The following HMCN2 variants were observed in gnomAD, a reference collection of about 807,000 sequenced individuals.
HMCN2 encodes the protein hemicentin-2.
Under a neutral mutation model 377.5 loss-of-function variants are expected in HMCN2, and 325 were observed. The ratio of observed to expected loss-of-function variants is 0.86; its 90% CI spans 0.79 to 0.94. HMCN2 has a LOEUF of 0.94. Ranked by LOEUF, HMCN2 falls within the 40% of genes least tolerant of loss-of-function variation. The pLI is 0.00. For synonymous variants in HMCN2, 2,007 were observed against 2,046.8 expected (o/e 0.98, Z 0.53); for missense variants, 4,543 against 4,725.3 (o/e 0.96, Z 1.13).
At chr9:130,311,543 G>A (rs1393674801) in intron 15 of HMCN2, among the ~76,000 whole-genome samples, 3 of 152,312 alleles carry the variant, frequency 2.0e-5, no homozygotes, top group East Asian at 3.9e-4. Context: ...GACAGGGAAT[G>A]AGCATGCACA....
At chr9:130,355,631 G>A in intron 32 of HMCN2, 115 bp from the exon 33 acceptor site, 1 of 535,826 alleles carries the variant, frequency 1.9e-6, no homozygotes, top group South Asian at 1.6e-5. Context: ...CACTGATAGG[G>A]AGACGTGAGG....
chr9:130,350,378 C>CAAAAAAAAA lies in HMCN2; in HGVS notation c.4430+722_4430+723insAAAAAAAAA, dbSNP rs1448443171. On this transcript the variant is annotated intron_variant, in intron 29 of 97. Coordinates refer to ENST00000683500, the MANE Select transcript of HMCN2 (RefSeq NM_001291815.2). ...CGAGACCCTGTCTCTGCTAAAAATA[C>CAAAAAAAAA]AAAAAAATACAAAAAAAAAAAAAAA... is the stretch of plus-strand genomic sequence containing the variant. Among the ~76,000 whole-genome samples, 207 of 74,696 alleles carry CAAAAAAAAA rather than the reference C, an allele frequency of 2.8e-3. 10 individuals carry two copies. The highest frequency in any genetic ancestry group is 3.2e-3 in the Non-Finnish European group (126 of 39,690). 49.0% of individuals were successfully genotyped at this position (74,696 alleles called of 152,430 possible).
At chr9:130,355,706 T>G in intron 32 of HMCN2, 40 bp from the exon 33 acceptor site, 1 of 1,209,370 alleles carries the variant, frequency 8.3e-7, no homozygotes. Context: ...GGCCAGTGGC[T>G]GCTCAGCTCC....
rs534082172 is a variant in HMCN2, at chr9:130,399,577, C to T, written c.11550C>T (p.Cys3850=). ...PGPQDSAQFE[C]VVSNEVGEAH... ...CCCAGGACTCAGCCCAGTTTGAATGCGTGGTGAGCAATGAGGTGGGCGAGG... is the reference window on the plus strand; with the variant it reads ...CCCAGGACTCAGCCCAGTTTGAATGTGTGGTGAGCAATGAGGTGGGCGAGG... The change falls in exon 76 of 98, where the codon TGC becomes TGT. Residue 3850 remains cysteine, a synonymous_variant. Transcript: ENST00000683500. 1.4e-5 allele frequency: 18 copies of T among 1,289,696 alleles called. No homozygotes were observed. The highest frequency in any genetic ancestry group is 4.9e-5 in the South Asian group (4 of 81,002). 79.9% of individuals were successfully genotyped at this position (1,289,696 alleles called of 1,614,324 possible).
intron 54 of HMCN2, among the ~76,000 whole-genome samples, chr9:130,381,033 G>T (rs1841687108): frequency 6.6e-6 from 1 of 152,002 alleles, no homozygotes; most frequent in Non-Finnish European, 1.5e-5. Flanking sequence ...CTGCCCCCCA[G>T]TCCTGCCCAC....
chr9:130,329,709 C>T (rs1470039489), intron 22 of HMCN2, among the ~76,000 whole-genome samples: 1 of 152,150 alleles, frequency 6.6e-6, no homozygotes, highest in Non-Finnish European at 1.5e-5. Context: ...TCCCAAAGTG[C>T]TGGGATTACA....
At chr9:130,420,074 T>TTTC (rs1178395052) in intron 86 of HMCN2, among the ~76,000 whole-genome samples, 2 of 142,370 alleles carry the variant, frequency 1.4e-5, no homozygotes, top group African/African-American at 5.3e-5. Flanking sequence ...TCTTTTTTTT[T>TTTC]TTTTTTTTTT....
chr9:130,358,046 C>G, intron 35 of HMCN2, 58 bp downstream of exon 35: 9 of 1,249,074 alleles, frequency 7.2e-6, no homozygotes, highest in Non-Finnish European at 8.4e-6. Flanking sequence ...AGGGGCTGCT[C>G]TGGGGGCTTC....
At chr9:130,432,883 G>A (rs2131845362) in intron 97 of HMCN2, 1 of 387,636 alleles carries the variant, frequency 2.6e-6, no homozygotes, top group Non-Finnish European at 4.7e-6. Context: ...GGACCTTAGG[G>A]GTGGCAGCTG....
At chr9:130,321,292 G>A (rs896516950) in intron 18 of HMCN2, among the ~76,000 whole-genome samples, 1 of 149,156 alleles carries the variant, frequency 6.7e-6, no homozygotes, top group African/African-American at 2.4e-5. Flanking sequence ...AGACACCGGC[G>A]CGCGCTGAAC....
At chr9:130,355,976 A>C (rs1270228928) in intron 33 of HMCN2, 112 bp from the exon 34 acceptor site, 1 of 913,122 alleles carries the variant, frequency 1.1e-6, no homozygotes, top group African/African-American at 1.7e-5. Context: ...AGAGGCCTGG[A>C]GCCACGGCTG....
At chr9:130,407,846 G>A (rs1385202852) in intron 83 of HMCN2, 141 bp downstream of exon 83, 1 of 565,538 alleles carries the variant, frequency 1.8e-6, no homozygotes, top group Non-Finnish European at 2.4e-6. Flanking sequence ...ATCCCCTGGG[G>A]GACTTTAAAT....
chr9:130,348,418 C>T (rs1170664246), intron 26 of HMCN2, 127 bp from the exon 27 acceptor site: 15 of 1,212,922 alleles, frequency 1.2e-5, no homozygotes, highest in Non-Finnish European at 1.6e-5. Flanking sequence ...TGTGGCTGGG[C>T]GGACGGGGAC....
At chr9:130,293,156 GA>G (rs1383777522) in intron 4 of HMCN2, among the ~76,000 whole-genome samples, 2 of 150,934 alleles carry the variant, frequency 1.3e-5, no homozygotes, top group African/African-American at 2.4e-5. Context: ...TTGTTTATAA[GA>G]AAAAAATCTT....
chr9:130,394,314 A>G lies in HMCN2; in HGVS notation c.10502-71A>G, dbSNP rs1008680304. 23 of 1,000,374 alleles carry G rather than the reference A, an allele frequency of 2.3e-5. No individual in the cohort carries two copies. The Middle Eastern group carries it at 1.5e-3, about 64-fold the overall frequency. 62.0% of individuals were successfully genotyped at this position (1,000,374 alleles called of 1,614,324 possible). A position where few individuals can be genotyped will look rare whatever the true frequency, so the allele number is the denominator to read the frequency against. ...GGAGCAGAGCCCCTGGACTCAGCAC[A>G]GTGTTTTCAAGTGCGGTGCTGTCCC... On this transcript the variant is annotated intron_variant, in intron 68 of 97. Coordinates refer to ENST00000683500, the MANE Select transcript of HMCN2 (RefSeq NM_001291815.2). The surrounding 1 kb of genome is among the most constrained non-coding windows in gnomAD (Gnocchi z 5.1).
chr9:130,377,185 C>T (rs750657715), intron 52 of HMCN2, among the ~76,000 whole-genome samples: 4 of 151,966 alleles, frequency 2.6e-5, no homozygotes, highest in African/African-American at 7.3e-5. Context: ...ACGATCTTGG[C>T]TCACTGCAGC....
intron 90 of HMCN2, 116 bp downstream of exon 90, chr9:130,426,040 G>A: frequency 1.3e-6 from 1 of 796,290 alleles, no homozygotes; most frequent in South Asian, 1.7e-5. Context: ...CCATGGGCCA[G>A]AGACTTCAGA....
chr9:130,269,125 G>C (rs939391756), intron 1 of HMCN2, among the ~76,000 whole-genome samples: 7 of 148,492 alleles, frequency 4.7e-5, no homozygotes, highest in South Asian at 4.4e-4. Flanking sequence ...GGGGCAAATC[G>C]TGGCGGTTCT....
At chr9:130,281,175 C>T (rs1241321110) in intron 1 of HMCN2, among the ~76,000 whole-genome samples, 1 of 151,486 alleles carries the variant, frequency 6.6e-6, no homozygotes, top group Admixed American at 6.6e-5. Flanking sequence ...TCAGGAATTT[C>T]TATGTCTATT....
Sources: gnomAD v4.1 joint callset for allele counts (sites outside exome capture counted in the v4.1 genomes callset) on GRCh38, gnomAD v4.1.1 for gene constraint, Gnocchi (gnomAD v3.1) non-coding constraint, MANE v1.5 for transcripts, NCBI Gene and HGNC (gene_info 2026-07-23, HGNC 2026-07-21) for gene names.